Variants in CYRIA observed in about 807,000 individuals in gnomAD.
CYRIA encodes CYFIP-related Rac1 interactor A.
In CYRIA, 15 loss-of-function variants were observed where a neutral mutation model predicts 43.9. The observed-to-expected ratio is 0.34, with a 90% CI of 0.23 to 0.53. The LOEUF is 0.53. CYRIA is among the 20% of genes least tolerant of loss of function. CYRIA has a pLI of 0.94. For synonymous variants in CYRIA, 117 were observed against 136.0 expected (o/e 0.86, Z 0.97); for missense variants, 236 against 394.2 (o/e 0.60, Z 3.40).
chr2:16,648,840 T>A (rs1669890750), intron 1 of CYRIA, among the ~76,000 whole-genome samples: 1 of 152,230 alleles, frequency 6.6e-6, no homozygotes, highest in African/African-American at 2.4e-5. Flanking sequence ...CACTACATTC[T>A]AGTGTGATAT....
intron 3 of CYRIA, among the ~76,000 whole-genome samples, chr2:16,576,935 A>T (rs1261318219): frequency 1.3e-5 from 2 of 152,330 alleles, no homozygotes; most frequent in East Asian, 3.9e-4. Context: ...AAACTGCATG[A>T]TTCCACTTAC....
chr2:16,665,060 C>A (rs1467310927), intron 1 of CYRIA, among the ~76,000 whole-genome samples: 1 of 152,132 alleles, frequency 6.6e-6, no homozygotes, highest in Non-Finnish European at 1.5e-5. Flanking sequence ...GGAGGAGGAC[C>A]CAGGGACGGG....
At chr2:16,585,279 C>G (rs529427364) in intron 3 of CYRIA, among the ~76,000 whole-genome samples, 1 of 152,210 alleles carries the variant, frequency 6.6e-6, no homozygotes, top group African/African-American at 2.4e-5. Flanking sequence ...AGATGTCCCT[C>G]TCTGGTCAGG....
intron 2 of CYRIA, among the ~76,000 whole-genome samples, chr2:16,609,715 C>G (rs1255533828): frequency 6.6e-6 from 1 of 152,164 alleles, no homozygotes; most frequent in East Asian, 1.9e-4. Context: ...AGAAGGAATG[C>G]CATACATATA....
chr2:16,563,499 T>A (rs1430248626), intron 5 of CYRIA, among the ~76,000 whole-genome samples: 2 of 152,198 alleles, frequency 1.3e-5, no homozygotes, highest in African/African-American at 2.4e-5. Flanking sequence ...TGATCCTATT[T>A]CCAACCAGAT....
intron 2 of CYRIA, among the ~76,000 whole-genome samples, chr2:16,612,934 T>C (rs1341422895): frequency 6.6e-6 from 1 of 152,198 alleles, no homozygotes; most frequent in East Asian, 1.9e-4. Flanking sequence ...GTAGTGAATG[T>C]GTCTCATGAG....
intron 1 of CYRIA, among the ~76,000 whole-genome samples, chr2:16,664,023 T>C (rs1670328668): frequency 6.6e-6 from 1 of 152,204 alleles, no homozygotes; most frequent in Admixed American, 6.5e-5. Flanking sequence ...GAGCTTAGTT[T>C]CCTCATCTGC....
At chr2:16,627,190 A>T (rs1012383233) in intron 1 of CYRIA, among the ~76,000 whole-genome samples, 1 of 152,224 alleles carries the variant, frequency 6.6e-6, no homozygotes, top group Non-Finnish European at 1.5e-5. Context: ...ATAGAAAAGC[A>T]AGGCACAACA....
intron 1 of CYRIA, among the ~76,000 whole-genome samples, chr2:16,656,985 T>C (rs899374597): frequency 4.6e-5 from 7 of 152,328 alleles, no homozygotes; most frequent in African/African-American, 1.7e-4. Flanking sequence ...GGAAACTTTC[T>C]ACATCCCTCC....
In CYRIA at chr2:16,628,840, T is replaced by G. The variant is rs539024968; in HGVS notation, c.-166-4821A>C. ...ATAATCCACTCTCCCTGTGTTCACC[T>G]GCCTGTCTTCTGAATTCACGGAGCT... On this transcript the variant is annotated intron_variant, in intron 1 of 11. Coordinates refer to ENST00000381323, the MANE Select transcript of CYRIA (RefSeq NM_030797.4). 1.2e-3 allele frequency among the ~76,000 whole-genome samples: 178 copies of G among 152,338 alleles called. 2 individuals are homozygous for G. The highest frequency in any genetic ancestry group is 4.0e-3 in the African/African-American group (168 of 41,572).
intron 1 of CYRIA, among the ~76,000 whole-genome samples, chr2:16,651,783 A>G: frequency 6.6e-6 from 1 of 150,704 alleles, no homozygotes; most frequent in East Asian, 1.9e-4. Flanking sequence ...GGTGCCGTGA[A>G]TTTTTTTTTT....
chr2:16,609,215 G>GTACC (rs1477351088), intron 2 of CYRIA, among the ~76,000 whole-genome samples: 11 of 152,310 alleles, frequency 7.2e-5, no homozygotes, highest in African/African-American at 2.2e-4. Flanking sequence ...CCGGTGCATG[G>GTACC]TACCCTCTGC....
At chr2:16,565,476 G>A (rs1254080758) in intron 4 of CYRIA, among the ~76,000 whole-genome samples, 170 bp downstream of exon 4, 3 of 152,128 alleles carry the variant, frequency 2.0e-5, no homozygotes, top group Non-Finnish European at 2.9e-5. Flanking sequence ...GTGAGCCACC[G>A]CAGCCGGCCC....
chr2:16,581,986 T>C (rs564685651), intron 3 of CYRIA, among the ~76,000 whole-genome samples: 15 of 152,298 alleles, frequency 9.8e-5, no homozygotes, highest in African/African-American at 2.9e-4. Flanking sequence ...AAAAAACTTA[T>C]AGATTAGCTA....
intron 11 of CYRIA, among the ~76,000 whole-genome samples, chr2:16,553,308 C>T (rs1374337543): frequency 1.3e-5 from 2 of 152,150 alleles, no homozygotes; most frequent in Non-Finnish European, 2.9e-5. Context: ...ACCACTGAGG[C>T]TGCCCCTGCT....
intron 1 of CYRIA, among the ~76,000 whole-genome samples, chr2:16,658,370 A>T (rs1014956845): frequency 1.3e-5 from 2 of 152,246 alleles, no homozygotes; most frequent in Non-Finnish European, 2.9e-5. Flanking sequence ...AACAAATTTT[A>T]TTCAAAGGTC....
intron 1 of CYRIA, among the ~76,000 whole-genome samples, chr2:16,660,089 T>G (rs906746769): frequency 6.6e-6 from 1 of 152,136 alleles, no homozygotes; most frequent in Non-Finnish European, 1.5e-5. Context: ...GCATCCCAGC[T>G]CTCTCTTGGC....
chr2:16,634,792 T>G (rs1669442749), intron 1 of CYRIA, among the ~76,000 whole-genome samples: 1 of 152,192 alleles, frequency 6.6e-6, no homozygotes, highest in African/African-American at 2.4e-5. Context: ...TACAGATCCC[T>G]TCCCAACTTC....
chr2:16,621,860 T>C (rs772081888), intron 2 of CYRIA, among the ~76,000 whole-genome samples: 1 of 152,218 alleles, frequency 6.6e-6, no homozygotes, highest in Non-Finnish European at 1.5e-5. Flanking sequence ...TACTACCAGA[T>C]GTAATACATA....
Sources: gnomAD v4.1 joint callset for allele counts (sites outside exome capture counted in the v4.1 genomes callset) on GRCh38, gnomAD v4.1.1 for gene constraint, MANE v1.5 for transcripts, NCBI Gene and HGNC (gene_info 2026-07-23, HGNC 2026-07-21) for gene names.